CTIF: variants seen among roughly 807,000 people sequenced by gnomAD.
CTIF encodes the protein CBP80/20-dependent translation initiation factor.
A neutral mutation model predicts 66.0 loss-of-function variants in CTIF; 21 were observed. The observed-to-expected ratio is 0.32, with a 90% CI of 0.23 to 0.46. The LOEUF (loss-of-function observed/expected upper bound fraction) is 0.46, where lower values mean the gene tolerates loss of function less well. Among genes scored for constraint, CTIF ranks in the 20% least tolerant of loss-of-function variants. The pLI, the probability that CTIF is intolerant of heterozygous loss-of-function variation, is 1.00. For missense variants in CTIF, 739 were observed against 812.7 expected (o/e 0.91, Z 1.10); for synonymous variants, 345 against 326.4 (o/e 1.06, Z -0.62).
At chr18:48,674,279 A>G (rs2091589393) in intron 6 of CTIF, among the ~76,000 whole-genome samples, 1 of 152,272 alleles carries the variant, frequency 6.6e-6, no homozygotes, top group Non-Finnish European at 1.5e-5. Flanking sequence ...TGCCTTGCCC[A>G]GGTCACAGTC....
chr18:48,812,653 C>T (rs2068282108), intron 9 of CTIF, among the ~76,000 whole-genome samples: 1 of 151,270 alleles, frequency 6.6e-6, no homozygotes, highest in Non-Finnish European at 1.5e-5. Context: ...ACTCAGGAAG[C>T]TGAGGTGGAA....
chr18:48,807,987 T>G (rs1034257735), intron 9 of CTIF, among the ~76,000 whole-genome samples: 18 of 152,324 alleles, frequency 1.2e-4, no homozygotes, highest in African/African-American at 4.3e-4. Context: ...AAGCTTATTT[T>G]TTCTAATATT....
Position 48,835,957 on chromosome 18 carries a change from T to A in CTIF, c.1527+18581T>A, listed in dbSNP as rs903456908. On this transcript the variant is annotated intron_variant, in intron 10 of 11. Transcript: ENST00000256413. ...CCTCCCAGCTCCCTGTTTGCATTTG[T>A]CATTCTACCCCTCTGCCCCCCACTG... is the stretch of plus-strand genomic sequence containing the variant. 2.0e-5 allele frequency among the ~76,000 whole-genome samples: 3 copies of A among 152,166 alleles called. No homozygotes were observed. In the East Asian group the frequency reaches 5.8e-4, roughly 29 times the overall value.
intron 9 of CTIF, among the ~76,000 whole-genome samples, chr18:48,765,536 C>T (rs1256427880): frequency 6.6e-6 from 1 of 152,216 alleles, no homozygotes; most frequent in Non-Finnish European, 1.5e-5. Context: ...GTGATGGGAG[C>T]CGGCAGCATG....
chr18:48,856,721 AGAATCGGGG>A (rs1338561375), intron 10 of CTIF, among the ~76,000 whole-genome samples: 1 of 152,242 alleles, frequency 6.6e-6, no homozygotes, highest in Non-Finnish European at 1.5e-5. Flanking sequence ...ATAGAGACAT[AGAATCGGGG>A]GGAGTTGCCA....
At chr18:48,657,222 C>T (rs1204069247) in intron 3 of CTIF, among the ~76,000 whole-genome samples, 2 of 152,202 alleles carry the variant, frequency 1.3e-5, no homozygotes, top group Middle Eastern at 3.2e-3. Flanking sequence ...ATTGCATACT[C>T]CACTTCCACA....
At chr18:48,813,036 A>T in intron 9 of CTIF, among the ~76,000 whole-genome samples, 3 of 146,694 alleles carry the variant, frequency 2.0e-5, no homozygotes, top group South Asian at 4.5e-4. Flanking sequence ...CTTTGTATTC[A>T]GCTTTCTGGT....
intron 3 of CTIF, among the ~76,000 whole-genome samples, chr18:48,655,161 T>G (rs2144809692): frequency 6.6e-6 from 1 of 150,828 alleles, no homozygotes; most frequent in Non-Finnish European, 1.5e-5. Context: ...AAAAATTTGC[T>G]GGGTATGGTG....
In CTIF at chr18:48,636,664, A is replaced by G. The variant is rs759619750; in HGVS notation, c.231A>G (p.Arg77=). The G allele has an allele frequency of 3.1e-6, 5 of 1,601,172 alleles. No individual in the cohort carries two copies. The highest frequency in any genetic ancestry group is 2.6e-6 in the Non-Finnish European group (3 of 1,174,828). ...TGGACAGCAGCTGTTCCTTCTCCCG[A>G]GGGCGAGCCCCCCCACAGCAGGTAG... ...EPLDSSCSFS[R]GRAPPQQNGS... is the part of the protein sequence containing the mutation. Residue 77 remains arginine (R), a synonymous_variant, in exon 3 of 12, where the codon CGA becomes CGG. Transcript: ENST00000256413.
intron 9 of CTIF, among the ~76,000 whole-genome samples, chr18:48,786,074 C>G (rs56393300): frequency 0.27 from 40,725 of 152,050 alleles, 5,855 homozygotes; most frequent in East Asian, 0.44. Flanking sequence ...ATTCTTCCTC[C>G]TTTGCAGGGC....
intron 1 of CTIF, among the ~76,000 whole-genome samples, chr18:48,578,778 C>T (rs935043355): frequency 1.3e-5 from 2 of 152,152 alleles, no homozygotes; most frequent in Admixed American, 1.3e-4. Context: ...ATATTTTCTC[C>T]CATTCCGTGC....
chr18:48,551,947 G>T (rs538950181), intron 1 of CTIF, among the ~76,000 whole-genome samples: 4 of 152,026 alleles, frequency 2.6e-5, no homozygotes, highest in African/African-American at 9.7e-5. Context: ...ACAGGCGCCC[G>T]CCACCACGCC....
intron 9 of CTIF, among the ~76,000 whole-genome samples, chr18:48,773,991 C>T (rs1422701529): frequency 1.3e-5 from 2 of 152,100 alleles, no homozygotes; most frequent in South Asian, 2.1e-4. Context: ...GGCCAGGTTC[C>T]ACCTTGTCTA....
intron 9 of CTIF, among the ~76,000 whole-genome samples, chr18:48,801,711 C>T (rs2068053223): frequency 6.6e-6 from 1 of 152,188 alleles, no homozygotes; most frequent in Admixed American, 6.5e-5. Context: ...AGTAATTGGG[C>T]CACTCATTGA....
intron 5 of CTIF, 64 bp from the exon 6 acceptor site, chr18:48,670,605 C>G: frequency 7.0e-7 from 1 of 1,436,844 alleles, no homozygotes; most frequent in Non-Finnish European, 9.8e-7. Flanking sequence ...CTCCTGCTGG[C>G]CGGATGGGAC....
intron 6 of CTIF, among the ~76,000 whole-genome samples, chr18:48,693,355 C>T (rs891452536): frequency 5.3e-5 from 8 of 152,172 alleles, no homozygotes; most frequent in African/African-American, 1.9e-4. Context: ...CAGTGGTTCT[C>T]GACCACGTTG....
intron 10 of CTIF, among the ~76,000 whole-genome samples, chr18:48,837,031 A>G (rs7230113): frequency 0.49 from 73,978 of 152,090 alleles, 21,020 homozygotes; most frequent in African/African-American, 0.8. Context: ...GTTTGACAGC[A>G]AAGCCTGCAC....
intron 1 of CTIF, among the ~76,000 whole-genome samples, chr18:48,570,162 G>C (rs921869073): frequency 6.6e-6 from 1 of 152,172 alleles, no homozygotes; most frequent in Non-Finnish European, 1.5e-5. Context: ...ACCACTCCCA[G>C]AGCTGTGGAG....
intron 1 of CTIF, among the ~76,000 whole-genome samples, chr18:48,553,903 T>G (rs2088954089): frequency 6.6e-6 from 1 of 152,086 alleles, no homozygotes; most frequent in Admixed American, 6.6e-5. Context: ...CCTCGTAATC[T>G]GCCTGCCTCG....
Sources: allele counts gnomAD v4.1 joint callset (sites outside exome capture counted in the v4.1 genomes callset), GRCh38; gene constraint gnomAD v4.1.1; transcripts MANE v1.5; gene names NCBI Gene and HGNC (gene_info 2026-07-23, HGNC 2026-07-21).